Variants in SLC38A6 observed in about 807,000 individuals in gnomAD.
SLC38A6 encodes the protein N system amino acid transporter NAT-1.
Under a neutral mutation model 65.0 loss-of-function variants are expected in SLC38A6, and 73 were observed. The ratio of observed to expected loss-of-function variants is 1.12; its 90% confidence interval spans 0.93 to 1.37. SLC38A6 has a LOEUF of 1.37. Ranked by LOEUF, SLC38A6 falls within the 40% of genes most tolerant of loss-of-function variation. The pLI is 0.00. For synonymous variants in SLC38A6, 183 were observed against 178.8 expected (o/e 1.02, Z -0.19); for missense variants, 561 against 531.1 (o/e 1.06, Z -0.55).
intron 12 of SLC38A6, among the ~76,000 whole-genome samples, chr14:61,049,732 A>G (rs1257158975): frequency 1.3e-5 from 2 of 152,134 alleles, no homozygotes; most frequent in African/African-American, 4.8e-5. Context: ...AACACTCTCA[A>G]ATTAAAAGGC....
In SLC38A6 at chr14:61,019,605, T is replaced by C. The variant is rs745985154; in HGVS notation, c.403+25T>C. ...GGTAAGCAATTGCAAGTGCACTGTT[T>C]ATACATAAATGTGATGGCAATAATG... On this transcript the variant is annotated intron_variant, in intron 5 of 15. Transcript: ENST00000267488. 5.0e-6 allele frequency: 8 copies of C among 1,609,004 alleles called. No homozygotes were observed. The Admixed American group carries it at 1.2e-4, about 23-fold the overall frequency.
chr14:60,983,009 C>G (rs1324371837), intron 2 of SLC38A6, among the ~76,000 whole-genome samples: 2 of 152,090 alleles, frequency 1.3e-5, no homozygotes, highest in Non-Finnish European at 2.9e-5. Context: ...CTTTTCATTC[C>G]TCGCTGTCTC....
intron 5 of SLC38A6, among the ~76,000 whole-genome samples, chr14:61,028,941 G>A (rs2040773819): frequency 6.6e-6 from 1 of 152,014 alleles, no homozygotes; most frequent in Admixed American, 6.6e-5. Context: ...TAATCATGAA[G>A]TTCAGCTCCT....
chr14:61,054,630 G>A (rs890321849), downstream of SLC38A6, among the ~76,000 whole-genome samples: 1 of 151,962 alleles, frequency 6.6e-6, no homozygotes, highest in Non-Finnish European at 1.5e-5. Context: ...TATTCTTTTT[G>A]TGGCAATTGT....
intron 15 of SLC38A6, among the ~76,000 whole-genome samples, chr14:61,064,621 A>G (rs1268868641): frequency 1.3e-5 from 2 of 149,432 alleles, no homozygotes; most frequent in East Asian, 3.9e-4. Context: ...GATGAGGTTA[A>G]TAAGATGGCT....
At chr14:60,984,609 C>G (rs2037315406) in intron 2 of SLC38A6, 121 bp from the exon 3 acceptor site, 2 of 678,474 alleles carry the variant, frequency 2.9e-6, no homozygotes, top group Non-Finnish European at 2.7e-6. Context: ...GAACATAATT[C>G]TGCTACTCAG....
At chr14:61,079,325 C>T (rs1028426415) in intron 16 of SLC38A6, among the ~76,000 whole-genome samples, 7 of 151,594 alleles carry the variant, frequency 4.6e-5, no homozygotes, top group South Asian at 2.1e-4. Context: ...TTATTAGAGG[C>T]GGGGTTTCAC....
At chr14:61,047,986 C>G (rs199762954) in intron 12 of SLC38A6, among the ~76,000 whole-genome samples, 501 of 19,002 alleles carry the variant, frequency 0.026, 1 homozygote, top group Non-Finnish European at 0.061. Flanking sequence ...TACATACATA[C>G]ATACATACAT....
At chr14:61,081,223 T>C (rs923574876) in intron 16 of SLC38A6, among the ~76,000 whole-genome samples, 1 of 152,252 alleles carries the variant, frequency 6.6e-6, no homozygotes, top group Non-Finnish European at 1.5e-5. Context: ...TGGGGTGTTG[T>C]CTGAGCCAGG....
At chr14:61,055,370 TG>T (rs2042680982), downstream of SLC38A6, among the ~76,000 whole-genome samples, 1 of 21,772 alleles carries the variant, frequency 4.6e-5, no homozygotes, top group Non-Finnish European at 1.0e-4. Context: ...ATGCGGTGTT[TG>T]GTTTTTTGTT....
Position 61,030,475 on chromosome 14 carries a change from C to T in SLC38A6, c.434C>T (p.Thr145Ile). 3 of 1,610,716 alleles carry T rather than the reference C, an allele frequency of 1.9e-6. No individual in the cohort carries two copies. The highest frequency in any genetic ancestry group is 1.1e-5 in the South Asian group (1 of 90,392). The change falls in exon 6 of 16, where the codon ACA (threonine) becomes ATA (isoleucine). Residue 145 changes from threonine to isoleucine, a missense_variant. Transcript: ENST00000267488. Reference protein sequence around the residue: ...AMSSYLLIIKTELPAAIAEFL... With the variant: ...AMSSYLLIIKIELPAAIAEFL... The stretch of plus-strand genomic sequence containing the variant: ...TCATCTTATCTTTTAATTATTAAAA[C>T]AGAGCTTCCTGCTGCTATTGCAGAA...
At chr14:61,041,318 G>T (rs2041798855) in intron 8 of SLC38A6, among the ~76,000 whole-genome samples, 2 of 152,080 alleles carry the variant, frequency 1.3e-5, no homozygotes, top group South Asian at 4.1e-4. Flanking sequence ...CACCATACAG[G>T]CTTGGAGTTG....
chr14:60,981,815 A>C, intron 1 of SLC38A6: 1 of 1,007,322 alleles, frequency 9.9e-7, no homozygotes, highest in Non-Finnish European at 1.3e-6. Context: ...TAATACAGAA[A>C]TTCTTAGCGG....
chr14:61,073,467 A>T (rs117475633), intron 15 of SLC38A6, among the ~76,000 whole-genome samples: 4,527 of 152,266 alleles, frequency 0.03, 108 homozygotes, highest in South Asian at 0.06. Flanking sequence ...CATTTAACCC[A>T]TAGCAGACAC....
At chr14:61,054,050 A>G (rs557280720), downstream of SLC38A6, among the ~76,000 whole-genome samples, 11 of 152,218 alleles carry the variant, frequency 7.2e-5, no homozygotes, top group African/African-American at 2.6e-4. Flanking sequence ...TGATTTTTAT[A>G]TATGGTATAA....
At chr14:61,066,925 C>T (rs2043037600) in intron 15 of SLC38A6, among the ~76,000 whole-genome samples, 1 of 151,930 alleles carries the variant, frequency 6.6e-6, no homozygotes, top group Non-Finnish European at 1.5e-5. Context: ...AAATTCTTAG[C>T]ACATATTATG....
rs189156476 is a variant in SLC38A6 at position 60,989,872 on chromosome 14, T to C, written c.310+5069T>C. On this transcript the variant is annotated intron_variant, in intron 3 of 15. Transcript: ENST00000267488. ...CTCAGTCAGCAGCATGTGACAGAGC[T>C]GATAACTCCTTGCTCTCTGAAAGAC... Among the ~76,000 whole-genome samples, 7 of 152,358 alleles carry C rather than the reference T, an allele frequency of 4.6e-5. 1 individual carries two copies. The highest frequency in any genetic ancestry group is 1.7e-4 in the African/African-American group (7 of 41,594).
intron 8 of SLC38A6, among the ~76,000 whole-genome samples, chr14:61,038,199 T>C (rs1293636673): frequency 1.3e-5 from 2 of 152,104 alleles, no homozygotes; most frequent in Non-Finnish European, 2.9e-5. Context: ...ACAAATATTT[T>C]TCTTCACATG....
intron 3 of SLC38A6, among the ~76,000 whole-genome samples, chr14:60,999,089 G>A (rs1020680561): frequency 6.6e-6 from 1 of 152,194 alleles, no homozygotes; most frequent in Admixed American, 6.5e-5. Context: ...AAAGTACAAA[G>A]GAGAAAATTA....
Sources: gnomAD v4.1 joint callset for allele counts (sites outside exome capture counted in the v4.1 genomes callset) on GRCh38, gnomAD v4.1.1 for gene constraint, MANE v1.5 for transcripts, NCBI Gene and HGNC (gene_info 2026-07-23, HGNC 2026-07-21) for gene names.